PRIM2: variants seen among roughly 807,000 people sequenced by gnomAD.
PRIM2 encodes DNA primase subunit 2, also known as DNA primase large subunit.
A neutral mutation model predicts 67.3 loss-of-function variants in PRIM2; 39 were observed. That is an observed-to-expected ratio of 0.58 (90% confidence interval 0.45 to 0.76). The LOEUF (loss-of-function observed/expected upper bound fraction) is 0.76. PRIM2 is among the 30% of genes least tolerant of loss of function. The probability of loss-of-function intolerance (pLI) is 0.00; values close to 1 mark genes in which losing one functional copy is unlikely to be tolerated. For synonymous variants in PRIM2, 143 were observed against 198.7 expected, an observed-to-expected ratio of 0.72 and a Z score of 2.36; for missense variants, 398 against 598.7, an observed-to-expected ratio of 0.66 and a Z score of 3.50.
In PRIM2 at chr6:57,382,076, T is replaced by C; in HGVS notation, c.601T>C (p.Tyr201His). 2.5e-6 allele frequency: 4 copies of C among 1,612,970 alleles called. No individual in the cohort carries two copies. Among genetic ancestry groups the C allele is most frequent in the Non-Finnish European group, 3.4e-6 (4 of 1,179,362 alleles). ...ALDLFRGRKV[Y>H]LEDGFAYVPL... ...GGATTTGTTTCGAGGAAGGAAAGTCTATTTGGAAGATGGCTTTGCTTACGT... is the reference window on the plus strand; with the variant it reads ...GGATTTGTTTCGAGGAAGGAAAGTCCATTTGGAAGATGGCTTTGCTTACGT... Residue 201 changes from tyrosine (Y) to histidine (H), a missense_variant, in exon 7 of 14, where the codon TAT becomes CAT. Tyr to His is a moderately conservative substitution (Grantham distance 83, BLOSUM62 2). Coordinates refer to ENST00000615550, the MANE Select transcript of PRIM2 (RefSeq NM_000947.5).
chr6:57,547,540 A>G (rs1362111313), intron 10 of PRIM2, among the ~76,000 whole-genome samples: 1 of 152,236 alleles, frequency 6.6e-6, no homozygotes, highest in African/African-American at 2.4e-5. Flanking sequence ...GCACTTGGAT[A>G]TTAAATCACT....
chr6:57,461,415 A>G (rs1339274583), intron 7 of PRIM2, among the ~76,000 whole-genome samples: 1 of 152,216 alleles, frequency 6.6e-6, no homozygotes, highest in East Asian at 1.9e-4. Context: ...CCTCGCTCTG[A>G]CAAGTTCTGG....
intron 12 of PRIM2, among the ~76,000 whole-genome samples, chr6:57,608,936 C>T (rs1776616043): frequency 6.6e-6 from 1 of 152,110 alleles, no homozygotes; most frequent in African/African-American, 2.4e-5. Context: ...TACCATGACT[C>T]GATTGTACAT....
At chr6:57,442,127 A>G (rs1772220291) in intron 7 of PRIM2, among the ~76,000 whole-genome samples, 1 of 152,290 alleles carries the variant, frequency 6.6e-6, no homozygotes, top group African/African-American at 2.4e-5. Context: ...AATACATTTC[A>G]TATTATTTCT....
At chr6:57,495,190 T>G (rs1290736389) in intron 7 of PRIM2, among the ~76,000 whole-genome samples, 17 of 152,330 alleles carry the variant, frequency 1.1e-4, no homozygotes, top group African/African-American at 4.1e-4. Context: ...TCTCATTTAT[T>G]TTTAAAGAAA....
intron 5 of PRIM2, among the ~76,000 whole-genome samples, chr6:57,348,387 C>A (rs1358698009): frequency 6.6e-6 from 1 of 152,058 alleles, no homozygotes; most frequent in African/African-American, 2.4e-5. Context: ...TTTTATCAGG[C>A]AGTAGATTTT....
the PRIM2 span, among the ~76,000 whole-genome samples, chr6:57,281,454 C>T: frequency 3.3e-5 from 5 of 152,102 alleles, no homozygotes; most frequent in Middle Eastern, 3.2e-3. Flanking sequence ...CATCCTCAGC[C>T]GCATCTAACA....
At chr6:57,406,280 C>T (rs1323137301) in intron 7 of PRIM2, among the ~76,000 whole-genome samples, 2 of 152,196 alleles carry the variant, frequency 1.3e-5, no homozygotes, top group South Asian at 4.2e-4. Flanking sequence ...CATCTATCTT[C>T]CTGCCTGCTC....
chr6:57,298,895 C>G, the PRIM2 span, among the ~76,000 whole-genome samples: 1 of 152,236 alleles, frequency 6.6e-6, no homozygotes, highest in East Asian at 1.9e-4. Flanking sequence ...CTGCCTCCCC[C>G]ACCCTATTCT....
chr6:57,274,391 A>G, the PRIM2 span, among the ~76,000 whole-genome samples: 1 of 152,200 alleles, frequency 6.6e-6, no homozygotes, highest in African/African-American at 2.4e-5. Flanking sequence ...TGTGCTAGCA[A>G]TGAGCAAGAC....
intron 7 of PRIM2, among the ~76,000 whole-genome samples, chr6:57,494,822 A>G (rs1773969809): frequency 6.6e-6 from 1 of 152,198 alleles, no homozygotes. Flanking sequence ...TAAATTTGTG[A>G]TGAATTAAAC....
intron 7 of PRIM2, among the ~76,000 whole-genome samples, chr6:57,398,569 G>A (rs1490273854): frequency 6.6e-6 from 1 of 152,136 alleles, no homozygotes; most frequent in East Asian, 1.9e-4. Flanking sequence ...GTCCAATTAT[G>A]TGGTCGCTTT....
chr6:57,613,372 G>C, intron 12 of PRIM2, among the ~76,000 whole-genome samples: 1 of 151,432 alleles, frequency 6.6e-6, no homozygotes. Flanking sequence ...TTTTTCCTTG[G>C]ATACATTACT....
At chr6:57,556,679 A>G (rs1474886185) in intron 10 of PRIM2, among the ~76,000 whole-genome samples, 2,670 of 152,360 alleles carry the variant, frequency 0.018, 85 homozygotes, top group African/African-American at 0.061. Context: ...AAACACTACA[A>G]ACCCTAGAAG....
intron 7 of PRIM2, among the ~76,000 whole-genome samples, chr6:57,401,661 G>A (rs979569810): frequency 2.0e-5 from 3 of 152,138 alleles, no homozygotes; most frequent in African/African-American, 7.2e-5. Context: ...GACCTTAGTA[G>A]TGTTTGTGCC....
intron 11 of PRIM2, among the ~76,000 whole-genome samples, chr6:57,603,301 T>C (rs1776503572): frequency 6.6e-6 from 1 of 152,246 alleles, no homozygotes; most frequent in Non-Finnish European, 1.5e-5. Context: ...TCCCCAGTCA[T>C]GTCCAATCTA....
intron 13 of PRIM2, among the ~76,000 whole-genome samples, chr6:57,638,797 C>T (rs1168456428): frequency 1.3e-5 from 2 of 152,048 alleles, no homozygotes; most frequent in Non-Finnish European, 2.9e-5. Flanking sequence ...CGTAGACACC[C>T]GCACAATAAT....
the PRIM2 span, among the ~76,000 whole-genome samples, chr6:57,291,585 C>A: frequency 4.2e-3 from 640 of 152,178 alleles, 6 homozygotes; most frequent in African/African-American, 0.015. Context: ...AACATCGATG[C>A]GAAAATCCTC....
At chr6:57,343,058 C>T (rs66666490) in intron 5 of PRIM2, among the ~76,000 whole-genome samples, 2 of 152,018 alleles carry the variant, frequency 1.3e-5, no homozygotes, top group Admixed American at 1.3e-4. Flanking sequence ...TTATTAGGAG[C>T]CTTTGGAGGC....
Sources: allele counts gnomAD v4.1 joint callset (sites outside exome capture counted in the v4.1 genomes callset), GRCh38; gene constraint gnomAD v4.1.1; transcripts MANE v1.5; gene names NCBI Gene and HGNC (gene_info 2026-07-23, HGNC 2026-07-21).